MYO3B: variants seen among roughly 807,000 people sequenced by gnomAD.
MYO3B encodes the protein myosin-IIIb.
In MYO3B, 156 loss-of-function variants were observed where a neutral mutation model predicts 174.6. The ratio of observed to expected loss-of-function variants is 0.89; its 90% CI spans 0.78 to 1.02. MYO3B has a LOEUF of 1.02. MYO3B is among the 50% of genes least tolerant of loss of function. The pLI, the probability that MYO3B is intolerant of heterozygous loss-of-function variation, is 0.00. For synonymous variants in MYO3B, 563 were observed against 569.1 expected (o/e 0.99, Z 0.15); for missense variants, 1,632 against 1,639.4 (o/e 1.00, Z 0.08).
intron 9 of MYO3B, among the ~76,000 whole-genome samples, chr2:170,374,720 T>A (rs1039243560): frequency 6.0e-5 from 9 of 150,354 alleles, no homozygotes; most frequent in African/African-American, 2.2e-4. Context: ...ATGTGATTCA[T>A]CCCTATTTCA....
At position 170,642,967 on chromosome 2, in the gene MYO3B, G is replaced by T. The variant is rs182075941; in HGVS notation, c.3734-8661G>T. Among the ~76,000 whole-genome samples, 268 of 151,550 alleles carry T rather than the reference G, an allele frequency of 1.8e-3. 1 individual carries two copies. Among genetic ancestry groups the T allele is most frequent in the African/African-American group, 6.4e-3 (263 of 41,242 alleles). On this transcript the variant is annotated intron_variant, in intron 32 of 34. Transcript: ENST00000408978. ...GATATGGTTCTTATTGGGAAGGAAA[G>T]ATTTAATATGGTCAAGCACAATGGT...
intron 32 of MYO3B, among the ~76,000 whole-genome samples, chr2:170,630,829 G>A (rs1696897937): frequency 6.6e-6 from 1 of 152,226 alleles, no homozygotes; most frequent in Non-Finnish European, 1.5e-5. Flanking sequence ...CTGTTAGAAG[G>A]AAAACTAACA....
chr2:170,411,633 G>C (rs2094546807), intron 22 of MYO3B: 1 of 152,194 alleles, frequency 6.6e-6, no homozygotes, highest in Non-Finnish European at 1.5e-5. Context: ...ATCAACCTCG[G>C]TGTGTATATG....
At chr2:170,538,760 G>A (rs1345693425) in intron 30 of MYO3B, among the ~76,000 whole-genome samples, 1 of 152,184 alleles carries the variant, frequency 6.6e-6, no homozygotes, top group African/African-American at 2.4e-5. Flanking sequence ...GTCGAGCCCT[G>A]GAGGCAATCT....
intron 28 of MYO3B, among the ~76,000 whole-genome samples, chr2:170,510,377 C>A (rs1427582318): frequency 6.6e-6 from 1 of 152,096 alleles, no homozygotes; most frequent in Non-Finnish European, 1.5e-5. Context: ...ACTAGATCCC[C>A]TCCATAATCA....
chr2:170,465,373 C>G (rs1445244093), intron 24 of MYO3B, among the ~76,000 whole-genome samples: 1 of 152,056 alleles, frequency 6.6e-6, no homozygotes, highest in African/African-American at 2.4e-5. Flanking sequence ...TTTAAACAAC[C>G]CGATTTTGCA....
chr2:170,500,595 T>C (rs1687199411), intron 27 of MYO3B, among the ~76,000 whole-genome samples: 1 of 152,174 alleles, frequency 6.6e-6, no homozygotes. Context: ...CCCCAACAAC[T>C]GCCATGGTCC....
At chr2:170,466,976 G>T (rs1040979650) in intron 25 of MYO3B, among the ~76,000 whole-genome samples, 1 of 152,162 alleles carries the variant, frequency 6.6e-6, no homozygotes, top group Non-Finnish European at 1.5e-5. Flanking sequence ...TAGGTCTCAA[G>T]TTCTCCAGGT....
Position 170,276,307 on chromosome 2 carries a change from G to A in MYO3B, c.749+40171G>A, listed in dbSNP as rs569748984. On this transcript the variant is annotated intron_variant, in intron 7 of 34. Transcript: ENST00000408978. ...TTTGAGTGAAACAAATTGGTCGTCT[G>A]TTATTTTTAGGCTACTTATTCATAA... Among the ~76,000 whole-genome samples, 30 of 152,244 alleles carry A rather than the reference G, an allele frequency of 2.0e-4. 1 individual carries two copies. The South Asian group carries it at 6.0e-3, about 31-fold the overall frequency.
intron 19 of MYO3B, 126 bp from the exon 20 acceptor site, chr2:170,404,121 C>A: frequency 1.1e-6 from 1 of 944,828 alleles, no homozygotes; most frequent in Non-Finnish European, 1.6e-6. Flanking sequence ...TTATTATACA[C>A]ATAAAACATA....
chr2:170,250,748 G>A (rs1044727411), intron 7 of MYO3B, among the ~76,000 whole-genome samples: 2 of 152,160 alleles, frequency 1.3e-5, no homozygotes, highest in African/African-American at 4.8e-5. Context: ...GTTTTATTGG[G>A]TGGTGGAGGT....
chr2:170,362,743 G>A (rs1356588), intron 8 of MYO3B, among the ~76,000 whole-genome samples: 59,443 of 152,008 alleles, frequency 0.39, 12,535 homozygotes, highest in African/African-American at 0.55. Context: ...GTGAGACTTT[G>A]CAACAGCATC....
intron 32 of MYO3B, among the ~76,000 whole-genome samples, chr2:170,551,385 T>TCTA (rs1690894836): frequency 1.4e-5 from 2 of 147,138 alleles, no homozygotes; most frequent in Non-Finnish European, 3.0e-5. Flanking sequence ...TATTTATTTA[T>TCTA]TTTTAGGTGG....
intron 8 of MYO3B, among the ~76,000 whole-genome samples, chr2:170,356,843 T>G (rs1412804924): frequency 6.6e-6 from 1 of 151,972 alleles, no homozygotes; most frequent in East Asian, 1.9e-4. Flanking sequence ...AGTGGTACAA[T>G]CATGGCTCAC....
intron 25 of MYO3B, among the ~76,000 whole-genome samples, chr2:170,489,001 A>C (rs538778092): frequency 1.3e-5 from 2 of 152,302 alleles, no homozygotes; most frequent in South Asian, 4.2e-4. Flanking sequence ...ACCTGTAAAC[A>C]CTCATGAGTT....
intron 7 of MYO3B, among the ~76,000 whole-genome samples, chr2:170,262,138 G>C (rs2093350029): frequency 6.6e-6 from 1 of 152,194 alleles, no homozygotes; most frequent in South Asian, 2.1e-4. Flanking sequence ...TGACCAAGGA[G>C]ATCCAGGGAG....
intron 7 of MYO3B, among the ~76,000 whole-genome samples, chr2:170,243,797 T>C (rs1438208150): frequency 6.6e-6 from 1 of 152,126 alleles, no homozygotes; most frequent in African/African-American, 2.4e-5. Context: ...GTTCAGCTAA[T>C]TGATTGATTG....
intron 3 of MYO3B, among the ~76,000 whole-genome samples, chr2:170,205,907 G>A (rs775069106): frequency 1.3e-5 from 2 of 151,904 alleles, no homozygotes; most frequent in Non-Finnish European, 2.9e-5. Context: ...AATATTATAT[G>A]GGTAGTATAC....
chr2:170,410,521 C>G (rs907548495), intron 22 of MYO3B, among the ~76,000 whole-genome samples: 1 of 143,816 alleles, frequency 7.0e-6, no homozygotes, highest in African/African-American at 2.6e-5. Context: ...GTGGAGGTTG[C>G]GGTGAGCCAA....
Sources: allele counts gnomAD v4.1 joint callset (sites outside exome capture counted in the v4.1 genomes callset), GRCh38; gene constraint gnomAD v4.1.1; transcripts MANE v1.5; gene names NCBI Gene and HGNC (gene_info 2026-07-23, HGNC 2026-07-21).